The following KRT19 variants were observed in gnomAD, a reference collection of about 807,000 sequenced individuals.
KRT19 encodes keratin, type I cytoskeletal 19.
In KRT19, 21 loss-of-function variants were observed where a neutral mutation model predicts 34.6. That is an observed-to-expected ratio of 0.61 (90% CI 0.43 to 0.87). The LOEUF is 0.87. KRT19 is among the 40% of genes least tolerant of loss of function. The pLI, the probability that KRT19 is intolerant of heterozygous loss-of-function variation, is 0.00. For synonymous variants in KRT19, 240 were observed against 245.8 expected, an observed-to-expected ratio of 0.98 and a Z score of 0.22; for missense variants, 514 against 545.7, an observed-to-expected ratio of 0.94 and a Z score of 0.58.
chr17:41,524,707 G>C, intron 3 of KRT19, 136 bp downstream of exon 3: 10 of 1,246,132 alleles, frequency 8.0e-6, no homozygotes, highest in Non-Finnish European at 1.2e-5. Flanking sequence ...TTGGAACCCT[G>C]GGATCCATGA....
At position 41,524,484 on chromosome 17, in the gene KRT19, G is replaced by A. The variant is rs749741657; in HGVS notation, c.717C>T (p.Ser239=). 2.2e-5 allele frequency: 36 copies of A among 1,613,972 alleles called. No individual in the cohort carries two copies. Among genetic ancestry groups the A allele is most frequent in the South Asian group, 7.7e-5 (7 of 91,086 alleles). ...TCTTGGCGAGATCGGTGCCCGGAGCGGAATCCACCTCCACACTGACCTGGC... is the reference window on the plus strand; with the variant it reads ...TCTTGGCGAGATCGGTGCCCGGAGCAGAATCCACCTCCACACTGACCTGGC... ...VGGQVSVEVD[S]APGTDLAKIL... is the part of the protein sequence containing the mutation. The change falls in exon 4 of 6, where the codon TCC becomes TCT. Residue 239 remains serine (S), a synonymous_variant. Coordinates refer to ENST00000361566, the MANE Select transcript of KRT19 (RefSeq NM_002276.5).
rs1905777627 is a variant in KRT19 at position 41,524,269 on chromosome 17, C to T, written c.823-1G>A. 1.2e-6 allele frequency: 2 copies of T among 1,613,588 alleles called. No homozygotes were observed. Among genetic ancestry groups the T allele is most frequent in the African/African-American group, 2.7e-5 (2 of 74,900 alleles). ...CGACCTCCCGGTTCAATTCTTCAGT[C>T]TGCAGAGAGAGGAAGAAGAGGGAAT... On this transcript the variant is annotated splice_acceptor_variant, in intron 4 of 5. Coordinates refer to ENST00000361566, the MANE Select transcript of KRT19 (RefSeq NM_002276.5). LOFTEE classifies it high-confidence loss of function.
At chr17:41,524,313 T>C in intron 4 of KRT19, 45 bp from the exon 5 acceptor site, 1 of 1,611,474 alleles carries the variant, frequency 6.2e-7, no homozygotes, top group Non-Finnish European at 8.5e-7. Context: ...AGTCAGACCT[T>C]CGCGTAGGGA....
chr17:41,526,780 C>G (rs1248975480), intron 1 of KRT19, among the ~76,000 whole-genome samples: 1 of 152,008 alleles, frequency 6.6e-6, no homozygotes, highest in Non-Finnish European at 1.5e-5. Flanking sequence ...CCATGTTTGC[C>G]AGGCTGATCT....
intron 1 of KRT19, among the ~76,000 whole-genome samples, chr17:41,526,397 G>A (rs1905865053): frequency 6.6e-6 from 1 of 151,852 alleles, no homozygotes; most frequent in African/African-American, 2.4e-5. Context: ...CACACACAGA[G>A]GTGAGAAAAA....
chr17:41,526,950 C>T (rs905039079), intron 1 of KRT19, among the ~76,000 whole-genome samples: 2 of 152,182 alleles, frequency 1.3e-5, no homozygotes, highest in African/African-American at 2.4e-5. Flanking sequence ...TCCTCCTGGT[C>T]TGTGGGTCTG....
chr17:41,525,466 C>A, intron 1 of KRT19, 193 bp from the exon 2 acceptor site: 2 of 560,814 alleles, frequency 3.6e-6, no homozygotes, highest in South Asian at 2.2e-5. Context: ...GAAGCTGGGG[C>A]AGGAAGAAAA....
chr17:41,524,012 A>AGGGGGTTGTGACTCAGC lies in KRT19; in HGVS notation c.949-32_949-16dup. On this transcript the variant is annotated splice_polypyrimidine_tract_variant and intron_variant, in intron 5 of 5. Coordinates refer to ENST00000361566, the MANE Select transcript of KRT19 (RefSeq NM_002276.5). ...AAGGCAGCTTTCTGAGGATAGGGAG[A>AGGGGGTTGTGACTCAGC]GGGGGTTGTGACTCAGCAGAGCCTG... 1.2e-6 allele frequency: 2 copies of AGGGGGTTGTGACTCAGC among 1,607,432 alleles called. No homozygotes were observed. Among genetic ancestry groups the AGGGGGTTGTGACTCAGC allele is most frequent in the East Asian group, 4.5e-5 (2 of 44,710 alleles).
chr17:41,524,863 G>A lies in KRT19; in HGVS notation c.640C>T (p.Leu214=). Residue 214 remains leucine, a synonymous_variant, in exon 3 of 6, where the codon CTG becomes TTG. Coordinates refer to ENST00000361566, the MANE Select transcript of KRT19 (RefSeq NM_002276.5). The part of the protein sequence containing the change: ...IEGLKEELAY[L]KKNHEEEIST... ...CCCACCTCCTCATGGTTCTTCTTCAGGTAGGCCAGCTCTTCCTTCAGGCCT... is the reference window on the plus strand; with the variant it reads ...CCCACCTCCTCATGGTTCTTCTTCAAGTAGGCCAGCTCTTCCTTCAGGCCT... 6.2e-7 allele frequency: 1 copy of A among 1,614,014 alleles called. No homozygotes were observed. Among genetic ancestry groups the A allele is most frequent in the Non-Finnish European group, 8.5e-7 (1 of 1,179,956 alleles).
At position 41,527,882 on chromosome 17, in the gene KRT19, C is replaced by T. The variant is rs199816992; in HGVS notation, c.366G>A (p.Gly122=). ...IRDWYQKQGP[G]PSRDYSHYYT... ...AGTAGTGGCTGTAGTCGCGGGAGGG[C>T]CCAGGCCCCTGCTTCTGGTACCAGT... Residue 122 remains glycine, a synonymous_variant, in exon 1 of 6, where the codon GGG becomes GGA. Transcript: ENST00000361566. The T allele has an allele frequency of 3.1e-6, 5 of 1,612,956 alleles. No individual in the cohort carries two copies. The highest frequency in any genetic ancestry group is 1.7e-4 in the Middle Eastern group (1 of 5,958).
At chr17:41,525,388 A>C in intron 1 of KRT19, 115 bp from the exon 2 acceptor site, 1 of 816,814 alleles carries the variant, frequency 1.2e-6, no homozygotes, top group Non-Finnish European at 2.1e-6. Context: ...CTAGAGACCA[A>C]AGCCCTAGCC....
At chr17:41,525,020 A>T in intron 2 of KRT19, 21 bp from the exon 3 acceptor site, 3 of 1,610,650 alleles carry the variant, frequency 1.9e-6, no homozygotes, top group African/African-American at 1.3e-5. Flanking sequence ...AAATAGTTGC[A>T]GCCAGGCAGA....
chr17:41,524,562 G>C, intron 3 of KRT19, 22 bp from the exon 4 acceptor site: 1 of 1,613,028 alleles, frequency 6.2e-7, no homozygotes, highest in South Asian at 1.1e-5. Flanking sequence ...CAGCAGAGAT[G>C]GGCATGTCAG....
rs760313484 is a variant in KRT19, at chr17:41,525,241, A to G, written c.453T>C (p.Ile151=). ...GACGGGCATTGTCGATCTGCAGGACAATCCTGGAGTTCTCAATGGTGGCAC... is the reference window on the plus strand; with the variant it reads ...GACGGGCATTGTCGATCTGCAGGACGATCCTGGAGTTCTCAATGGTGGCAC... The part of the protein sequence containing the change: ...ILGATIENSR[I]VLQIDNARLA... The change falls in exon 2 of 6, where the codon ATT becomes ATC. Residue 151 remains isoleucine (I), a synonymous_variant. Coordinates refer to ENST00000361566, the MANE Select transcript of KRT19 (RefSeq NM_002276.5). 4 of 1,613,986 alleles carry G rather than the reference A, an allele frequency of 2.5e-6. No homozygotes were observed. The South Asian group carries it at 4.4e-5, about 18-fold the overall frequency.
intron 2 of KRT19, 92 bp from the exon 3 acceptor site, chr17:41,525,091 G>A (rs1403800087): frequency 5.1e-6 from 8 of 1,575,520 alleles, no homozygotes; most frequent in African/African-American, 2.7e-5. Flanking sequence ...CCATAGGGGG[G>A]TTAGCTTCAG....
intron 2 of KRT19, 56 bp downstream of exon 2, chr17:41,525,135 C>T (rs879086963): frequency 5.1e-6 from 8 of 1,566,284 alleles, no homozygotes; most frequent in South Asian, 3.3e-5. Context: ...GATTCTAAAC[C>T]CCCCAACCCC....
At chr17:41,525,366 T>C (rs1905827410) in intron 1 of KRT19, 93 bp from the exon 2 acceptor site, 3 of 948,464 alleles carry the variant, frequency 3.2e-6, no homozygotes, top group Admixed American at 1.7e-5. Context: ...CAAATGAATA[T>C]ACCCCGGCAC....
chr17:41,525,275 T>A lies in KRT19; in HGVS notation c.421-2A>T. The A allele has an allele frequency of 6.2e-7, 1 of 1,611,840 alleles. No individual in the cohort carries two copies. The highest frequency in any genetic ancestry group is 8.5e-7 in the Non-Finnish European group (1 of 1,177,880). On this transcript the variant is annotated splice_acceptor_variant, in intron 1 of 5. Coordinates refer to ENST00000361566, the MANE Select transcript of KRT19 (RefSeq NM_002276.5). LOFTEE classifies it high-confidence loss of function. ...GTTCTCAATGGTGGCACCAAGAATC[T>A]GGAAGGCAGAGGCAGAGGTTGGTAC...
At position 41,524,954 on chromosome 17, in the gene KRT19, G is replaced by A. The variant is rs1441609078; in HGVS notation, c.549C>T (p.Ile183=). 1 of 1,614,174 alleles carries A rather than the reference G, an allele frequency of 6.2e-7. No individual in the cohort carries two copies. Among genetic ancestry groups the A allele is most frequent in the Admixed American group, 1.7e-5 (1 of 60,026 alleles). The change falls in exon 3 of 6, where the codon ATC becomes ATT. Residue 183 remains isoleucine, a synonymous_variant. Coordinates refer to ENST00000361566, the MANE Select transcript of KRT19 (RefSeq NM_002276.5). ...CATCCAGCACCCTGCGCAGGCCGTT[G>A]ATGTCGGCCTCCACGCTCATGCGCA... ...QALRMSVEAD[I]NGLRRVLDEL...
Sources: gnomAD v4.1 joint callset for allele counts (sites outside exome capture counted in the v4.1 genomes callset) on GRCh38, gnomAD v4.1.1 for gene constraint, MANE v1.5 for transcripts, NCBI Gene and HGNC (gene_info 2026-07-23, HGNC 2026-07-21) for gene names.